ATP7B: variants seen among roughly 807,000 people sequenced by gnomAD.
ATP7B encodes ATPase copper transporting beta.
A neutral mutation model predicts 118.9 loss-of-function variants in ATP7B; 113 were observed. That is an observed-to-expected ratio of 0.95 (90% CI 0.82 to 1.11). The LOEUF is 1.11. Ranked by LOEUF, ATP7B falls within the 50% of genes most tolerant of loss-of-function variation. ATP7B has a pLI of 0.00. For synonymous variants in ATP7B, 777 were observed against 727.4 expected, an observed-to-expected ratio of 1.07 and a Z score of -1.10; for missense variants, 1,867 against 1,871.4, an observed-to-expected ratio of 1.00 and a Z score of 0.04.
intron 1 of ATP7B, among the ~76,000 whole-genome samples, chr13:51,978,132 T>A (rs1952218306): frequency 6.6e-6 from 1 of 152,014 alleles, no homozygotes; most frequent in Non-Finnish European, 1.5e-5. Flanking sequence ...ATCCAAAAGC[T>A]ATAAAAGATT....
At chr13:51,975,364 T>C (rs1400106150) in intron 1 of ATP7B, 196 bp from the exon 2 acceptor site, 1 of 789,820 alleles carries the variant, frequency 1.3e-6, no homozygotes, top group African/African-American at 1.7e-5. Flanking sequence ...CATTCTTCTC[T>C]GACAGAAGCT....
rs1184618821 is a variant in ATP7B, at chr13:51,960,264, T to A, written c.2005A>T (p.Ile669Phe). 2 of 1,613,700 alleles carry A rather than the reference T, an allele frequency of 1.2e-6. No homozygotes were observed. Among genetic ancestry groups the A allele is most frequent in the Admixed American group, 1.7e-5 (1 of 59,990 alleles). Residue 669 changes from isoleucine (I) to phenylalanine (F), a missense_variant, in exon 7 of 21, where the codon ATC (isoleucine) becomes TTC (phenylalanine). Transcript: ENST00000242839. ...TCGTTGCTGGGTATCAGCATATAGA[T>A]CATTAAGGCCATGACAGGGATGCCA... is the stretch of plus-strand genomic sequence containing the variant. ...VFGIPVMALMIYMLIPSNEPH... is the reference protein window; with the variant it reads ...VFGIPVMALMFYMLIPSNEPH...
chr13:51,964,945 A>G lies in ATP7B; in HGVS notation c.1796T>C (p.Leu599Pro). The G allele has an allele frequency of 6.2e-7, 1 of 1,614,220 alleles. No homozygotes were observed. The highest frequency in any genetic ancestry group is 8.5e-7 in the Non-Finnish European group (1 of 1,180,046). ...TNGITYASVA[L>P]ATSKALVKFD... is the part of the protein sequence containing the mutation. ...CTTAACAAGGGCTTTGCTGGTGGCA[A>G]GGGCAACGGAGGCATAAGTGATGCC... Residue 599 changes from leucine (L) to proline (P), a missense_variant, in exon 5 of 21, where the codon CTT (leucine) becomes CCT (proline). Leu to Pro is a moderately conservative substitution (Grantham distance 98). Coordinates refer to ENST00000242839, the MANE Select transcript of ATP7B (RefSeq NM_000053.4).
chr13:51,933,179 G>A lies in ATP7B; in HGVS notation c.*1577C>T, dbSNP rs188364702. The stretch of plus-strand genomic sequence containing the variant: ...TCCAGGAGGCAAGGACCTTTTCCTC[G>A]TTTATTCTTATCAGGAAAACTTCTA... On this transcript the variant is annotated 3_prime_UTR_variant, in exon 21 of 21. Coordinates refer to ENST00000242839, the MANE Select transcript of ATP7B (RefSeq NM_000053.4). 7 of 152,246 alleles carry A rather than the reference G, an allele frequency of 4.6e-5. No homozygotes were observed. Among genetic ancestry groups the A allele is most frequent in the South Asian group, 4.1e-4 (2 of 4,828 alleles). 9.4% of individuals were successfully genotyped at this position (152,246 alleles called of 1,614,324 possible).
chr13:51,956,672 G>A (rs990379446), intron 9 of ATP7B, among the ~76,000 whole-genome samples: 1 of 152,176 alleles, frequency 6.6e-6, no homozygotes, highest in African/African-American at 2.4e-5. Context: ...GAGACCACAG[G>A]CTAATAGAAA....
chr13:51,991,574 AGTT>A (rs1952916938), intron 1 of ATP7B, among the ~76,000 whole-genome samples: 1 of 152,200 alleles, frequency 6.6e-6, no homozygotes, highest in Non-Finnish European at 1.5e-5. Context: ...AGGCTTAAGC[AGTT>A]GTTTCTGGAA....
chr13:51,961,437 G>A (rs1275943396), intron 6 of ATP7B, among the ~76,000 whole-genome samples: 1 of 151,884 alleles, frequency 6.6e-6, no homozygotes, highest in Non-Finnish European at 1.5e-5. Flanking sequence ...TAGAACCCAT[G>A]CAAATAAAGT....
chr13:52,010,301 C>T (rs1006981137), intron 1 of ATP7B, among the ~76,000 whole-genome samples: 3 of 152,200 alleles, frequency 2.0e-5, no homozygotes, highest in African/African-American at 4.8e-5. Context: ...GGGCACCCAG[C>T]AACGTCAGTG....
At chr13:51,942,972 A>G (rs1566470815) in intron 14 of ATP7B, among the ~76,000 whole-genome samples, 3 of 152,200 alleles carry the variant, frequency 2.0e-5, no homozygotes, top group Non-Finnish European at 4.4e-5. Context: ...AAACAATGGA[A>G]TAAGTAGTGT....
At chr13:51,937,157 G>T in intron 19 of ATP7B, 119 bp downstream of exon 19, 1 of 847,942 alleles carries the variant, frequency 1.2e-6, no homozygotes, top group Non-Finnish European at 1.9e-6. Context: ...AAAAAAAACA[G>T]CCTTTCTAAA....
chr13:51,940,230 C>A (rs1957249634), intron 16 of ATP7B, among the ~76,000 whole-genome samples: 1 of 146,810 alleles, frequency 6.8e-6, no homozygotes, highest in African/African-American at 2.5e-5. Flanking sequence ...TCAGACTGGT[C>A]TCGAACTCCC....
chr13:51,990,355 T>C (rs1215359675), intron 1 of ATP7B, among the ~76,000 whole-genome samples: 1 of 152,146 alleles, frequency 6.6e-6, no homozygotes, highest in Non-Finnish European at 1.5e-5. Context: ...CTGGAAACCA[T>C]CTCAATATTC....
intron 15 of ATP7B, 45 bp from the exon 16 acceptor site, chr13:51,941,269 C>T (rs1957316203): frequency 2.5e-6 from 4 of 1,607,874 alleles, no homozygotes; most frequent in Middle Eastern, 1.7e-4. Context: ...TCCAATTTCA[C>T]TGTGAACTAA....
In ATP7B at chr13:51,950,057, T is replaced by C. The variant is rs1957898729; in HGVS notation, c.2680A>G (p.Thr894Ala). The change falls in exon 11 of 21, where the codon ACC becomes GCC. Residue 894 changes from threonine to alanine, a missense_variant. Physicochemically the swap from Thr to Ala is moderately conservative, Grantham distance 58 (BLOSUM62 0). Transcript: ENST00000242839. The stretch of plus-strand genomic sequence containing the variant: ...AGTTTCACAATCTGAGCCAAAGTGG[T>C]GTCATTGCCCACGTGGGTAGCTTTA... Reference protein sequence around the residue: ...LIKATHVGNDTTLAQIVKLVE... With the variant: ...LIKATHVGNDATLAQIVKLVE... 1 of 1,614,088 alleles carries C rather than the reference T, an allele frequency of 6.2e-7. No homozygotes were observed. Among genetic ancestry groups the C allele is most frequent in the African/African-American group, 1.3e-5 (1 of 74,908 alleles).
intron 9 of ATP7B, among the ~76,000 whole-genome samples, chr13:51,956,948 C>T (rs558109877): frequency 1.3e-5 from 2 of 152,280 alleles, no homozygotes; most frequent in Admixed American, 6.5e-5. Flanking sequence ...TGAACCTCAG[C>T]TTCCTCATCT....
At chr13:51,961,484 T>C (rs1958739238) in intron 6 of ATP7B, among the ~76,000 whole-genome samples, 1 of 152,126 alleles carries the variant, frequency 6.6e-6, no homozygotes. Context: ...ATCTACACTC[T>C]CTCCCTCCCT....
intron 4 of ATP7B, chr13:51,966,700 G>T (rs562596418): frequency 1.3e-6 from 2 of 1,512,736 alleles, no homozygotes; most frequent in Non-Finnish European, 9.0e-7. Context: ...CTGCCATGCC[G>T]ACGTAGACCC....
In ATP7B at chr13:51,974,306, C is replaced by T. The variant is rs1215443336; in HGVS notation, c.914G>A (p.Cys305Tyr). Residue 305 changes from cysteine (C) to tyrosine (Y), a missense_variant, in exon 2 of 21, where the codon TGT (cysteine) becomes TAT (tyrosine). Coordinates refer to ENST00000242839, the MANE Select transcript of ATP7B (RefSeq NM_000053.4). Reference sequence around the variant, plus strand: ...CCTCTGCAGAGCCACTGGGCTGGTACAAGAAGGGTCATACTTTACTTGGGC... The same window carrying T: ...CCTCTGCAGAGCCACTGGGCTGGTATAAGAAGGGTCATACTTTACTTGGGC... ...KTAQVKYDPS[C>Y]TSPVALQRAI... is the part of the protein sequence containing the mutation. 6.2e-6 allele frequency: 10 copies of T among 1,614,004 alleles called. No homozygotes were observed. The highest frequency in any genetic ancestry group is 7.6e-6 in the Non-Finnish European group (9 of 1,180,032).
intron 15 of ATP7B, 118 bp from the exon 16 acceptor site, chr13:51,941,342 G>T: frequency 8.0e-7 from 1 of 1,252,462 alleles, no homozygotes; most frequent in Non-Finnish European, 1.1e-6. Flanking sequence ...CTGTAACCTT[G>T]TAAGCACCTC....
Sources: allele counts gnomAD v4.1 joint callset (sites outside exome capture counted in the v4.1 genomes callset), GRCh38; gene constraint gnomAD v4.1.1; transcripts MANE v1.5; gene names NCBI Gene and HGNC (gene_info 2026-07-23, HGNC 2026-07-21).